CDH13: variants seen among roughly 807,000 people sequenced by gnomAD.
The protein encoded by CDH13 is cadherin 13.
A neutral mutation model predicts 63.8 loss-of-function variants in CDH13; 24 were observed. The ratio of observed to expected loss-of-function variants is 0.38; its 90% CI spans 0.27 to 0.53. The LOEUF (loss-of-function observed/expected upper bound fraction) is 0.53. CDH13 is among the 20% of genes least tolerant of loss of function. The pLI is 0.85. For missense variants in CDH13, 1,049 were observed against 903.1 expected (o/e 1.16, Z -2.07); for synonymous variants, 503 against 355.3 (o/e 1.42, Z -4.67).
chr16:82,774,595 A>G (rs1388640164), intron 1 of CDH13, among the ~76,000 whole-genome samples: 2 of 152,214 alleles, frequency 1.3e-5, no homozygotes. Context: ...TCTCTGTGCC[A>G]TGTCCTTTCA....
intron 5 of CDH13, among the ~76,000 whole-genome samples, chr16:83,271,422 T>TAAAAAACAAAAAAAAAAAAAAAAA (rs2088807123): frequency 3.8e-5 from 1 of 26,004 alleles, no homozygotes. Context: ...GCAGAGTTCA[T>TAAAAAACAAAAAAAAAAAAAAAAA]AAAAAAAAAA....
At chr16:82,637,166 A>G (rs548963172) in intron 1 of CDH13, among the ~76,000 whole-genome samples, 2 of 152,320 alleles carry the variant, frequency 1.3e-5, no homozygotes, top group East Asian at 3.9e-4. Flanking sequence ...CCCTGTAAAA[A>G]TACTTTGATT....
chr16:83,208,829 G>T (rs76743366), intron 4 of CDH13, among the ~76,000 whole-genome samples: 2,393 of 152,230 alleles, frequency 0.016, 55 homozygotes, highest in African/African-American at 0.054. Context: ...GCATCAATCT[G>T]GTTGGATGTG....
intron 4 of CDH13, among the ~76,000 whole-genome samples, chr16:83,147,575 A>T (rs916401456): frequency 6.6e-6 from 1 of 152,094 alleles, no homozygotes; most frequent in Admixed American, 6.6e-5. Context: ...GATTCTCCCA[A>T]CATCCCTCAG....
intron 1 of CDH13, among the ~76,000 whole-genome samples, chr16:82,857,937 G>A (rs1358544679): frequency 6.6e-6 from 1 of 152,148 alleles, no homozygotes; most frequent in Non-Finnish European, 1.5e-5. Context: ...ATTCCTTTTA[G>A]AAGTAAATTC....
intron 11 of CDH13, among the ~76,000 whole-genome samples, chr16:83,748,660 C>G (rs1463018617): frequency 6.6e-6 from 1 of 152,174 alleles, no homozygotes. Flanking sequence ...AGCTTTTATC[C>G]TATTATGACA....
At chr16:83,546,293 G>A (rs1284280762) in intron 7 of CDH13, among the ~76,000 whole-genome samples, 4 of 152,098 alleles carry the variant, frequency 2.6e-5, no homozygotes, top group Admixed American at 6.6e-5. Flanking sequence ...CAGACTCTTG[G>A]CATCCCCAGT....
rs200072823 is a variant in CDH13, at chr16:83,191,526, CACACATATATATAT to C, written c.484-25817_484-25804del. 7.2e-3 allele frequency among the ~76,000 whole-genome samples: 733 copies of C among 101,700 alleles called. 9 individuals are homozygous for C. The highest frequency in any genetic ancestry group is 0.029 in the African/African-American group (661 of 22,428). 66.7% of individuals were successfully genotyped at this position (101,700 alleles called of 152,430 possible). A position where few individuals can be genotyped will look rare whatever the true frequency, so the allele number is the denominator to read the frequency against. On this transcript the variant is annotated intron_variant, in intron 4 of 13. Transcript: ENST00000567109. ...ATATACACACACACACACACACACA[CACACATATATATAT>C]ATATATATATATATATACACACACA...
At chr16:83,456,234 G>A (rs770496954) in intron 6 of CDH13, among the ~76,000 whole-genome samples, 2 of 152,226 alleles carry the variant, frequency 1.3e-5, no homozygotes, top group Non-Finnish European at 2.9e-5. Context: ...ACAAAAATAA[G>A]GATGTCGGGA....
rs72802876 is a variant in CDH13 at position 83,779,817 on chromosome 16, C to T, written c.1682-151C>T. On this transcript the variant is annotated intron_variant, in intron 11 of 13. Transcript: ENST00000567109. The stretch of plus-strand genomic sequence containing the variant: ...TGGCTGCAGTGAGCCATGATCGCAC[C>T]ACTGCATTCCAGTCTGGGCGATAGA... 17,304 of 582,746 alleles carry T rather than the reference C, an allele frequency of 0.03. 369 individuals are homozygous for T. The highest frequency in any genetic ancestry group is 0.037 in the Non-Finnish European group (12,192 of 331,732). The allele number at this position is 582,746 out of a possible 1,614,324, so 36.1% of individuals were successfully genotyped here.
chr16:82,843,436 C>T lies in CDH13; in HGVS notation c.46-14926C>T, dbSNP rs192026223. On this transcript the variant is annotated intron_variant, in intron 1 of 13. Transcript: ENST00000567109. ...AGGCAGTTAGATTTTAAAGAAAAGACATGTATTCATATACTCCGACCCAGG... is the reference window on the plus strand; with the variant it reads ...AGGCAGTTAGATTTTAAAGAAAAGATATGTATTCATATACTCCGACCCAGG... Among the ~76,000 whole-genome samples, 107 of 152,254 alleles carry T rather than the reference C, an allele frequency of 7.0e-4. No individual in the cohort carries two copies. The Middle Eastern group carries it at 0.01, about 15-fold the overall frequency.
intron 5 of CDH13, among the ~76,000 whole-genome samples, chr16:83,296,907 A>C (rs77826194): frequency 6.6e-6 from 1 of 152,196 alleles, no homozygotes; most frequent in African/African-American, 2.4e-5. Context: ...ATGGATTGGC[A>C]TATTCCATAG....
chr16:83,584,200 A>G (rs565192613), intron 7 of CDH13, among the ~76,000 whole-genome samples: 25 of 152,056 alleles, frequency 1.6e-4, no homozygotes, highest in Non-Finnish European at 3.2e-4. Flanking sequence ...GCATAGTGAC[A>G]GGTGCCTGTA....
chr16:82,677,490 A>G (rs1236994433), intron 1 of CDH13, among the ~76,000 whole-genome samples: 1 of 125,996 alleles, frequency 7.9e-6, no homozygotes, highest in African/African-American at 3.1e-5. Flanking sequence ...TGAAATCCCC[A>G]CTGCTGAGCA....
intron 7 of CDH13, among the ~76,000 whole-genome samples, chr16:83,549,243 G>A (rs145768063): frequency 1.3e-3 from 201 of 152,300 alleles, no homozygotes; most frequent in African/African-American, 4.5e-3. Context: ...GCACCTGTGA[G>A]TTGGTTCCGA....
chr16:83,084,014 C>G (rs1405426869), intron 3 of CDH13, among the ~76,000 whole-genome samples: 1 of 152,138 alleles, frequency 6.6e-6, no homozygotes, highest in African/African-American at 2.4e-5. Context: ...CTGCTGTGGA[C>G]CTATCATAAT....
chr16:82,984,190 A>T (rs1045183889), intron 2 of CDH13, among the ~76,000 whole-genome samples: 3 of 152,222 alleles, frequency 2.0e-5, no homozygotes, highest in Non-Finnish European at 4.4e-5. Context: ...ACCTGGATAA[A>T]ACTCTAAAAC....
At chr16:83,010,412 G>A (rs965869225) in intron 2 of CDH13, among the ~76,000 whole-genome samples, 1 of 152,106 alleles carries the variant, frequency 6.6e-6, no homozygotes, top group Non-Finnish European at 1.5e-5. Flanking sequence ...AAATGGAAAT[G>A]TAGGGTTTTT....
At position 83,491,839 on chromosome 16, in the gene CDH13, G is replaced by T. The variant is rs77631886; in HGVS notation, c.960+5184G>T. ...TTGTTTTGTATTTTCAGCTGGTAAC[G>T]CACTTTCTGAAACTTTATAATGCCC... On this transcript the variant is annotated intron_variant, in intron 7 of 13. Transcript: ENST00000567109. Among the ~76,000 whole-genome samples, 507 of 152,070 alleles carry T rather than the reference G, an allele frequency of 3.3e-3. 6 individuals carry two copies. Among genetic ancestry groups the T allele is most frequent in the Admixed American group, 0.024 (370 of 15,280 alleles).
Sources: allele counts gnomAD v4.1 joint callset (sites outside exome capture counted in the v4.1 genomes callset), GRCh38; gene constraint gnomAD v4.1.1; transcripts MANE v1.5; gene names NCBI Gene and HGNC (gene_info 2026-07-23, HGNC 2026-07-21).